Variants in TUBB8B observed in about 807,000 individuals in gnomAD.
TUBB8B encodes the protein tubulin beta 8B, also known as HSA18p11 beta-tubulin 4Q pseudogene.
In TUBB8B, 26 loss-of-function variants were observed where a neutral mutation model predicts 31.9. That is an observed-to-expected ratio of 0.81 (90% CI 0.60 to 1.13). The LOEUF (loss-of-function observed/expected upper bound fraction) is 1.13. Among genes scored for constraint, TUBB8B ranks in the 50% most tolerant of loss-of-function variants. The pLI is 0.00. For synonymous variants in TUBB8B, 173 were observed against 231.0 expected, an observed-to-expected ratio of 0.75 and a Z score of 2.28; for missense variants, 467 against 586.7, an observed-to-expected ratio of 0.80 and a Z score of 2.11.
At chr18:72,351 G>A in the TUBB8B span, among the ~76,000 whole-genome samples, 1 of 152,120 alleles carries the variant, frequency 6.6e-6, no homozygotes. Flanking sequence ...ATGGTATCAT[G>A]TCAAAGCTTG....
chr18:55,403 T>G, the TUBB8B span, among the ~76,000 whole-genome samples: 2 of 151,862 alleles, frequency 1.3e-5, no homozygotes, highest in Non-Finnish European at 2.9e-5. Context: ...CTGGCGAGAC[T>G]GGGTAATTTA....
At chr18:50,073 ATGGGTGTTGGAGAT>A, upstream of TUBB8B, 2 of 365,096 alleles carry the variant, frequency 5.5e-6, no homozygotes, top group South Asian at 4.1e-5. Flanking sequence ...GCAGTAAGCT[ATGGGTGTTGGAGAT>A]AGTCAGGCGT....
At chr18:63,235 T>C in the TUBB8B span, among the ~76,000 whole-genome samples, 1 of 151,856 alleles carries the variant, frequency 6.6e-6, no homozygotes, top group Non-Finnish European at 1.5e-5. Flanking sequence ...GTCTTTATTG[T>C]AGTCTTCACA....
At chr18:56,644 T>C in the TUBB8B span, among the ~76,000 whole-genome samples, 9 of 151,970 alleles carry the variant, frequency 5.9e-5, no homozygotes, top group East Asian at 1.9e-4. Flanking sequence ...ATAGAAATCC[T>C]ACTGATTTGT....
At chr18:56,491 ATTTCT>A in the TUBB8B span, among the ~76,000 whole-genome samples, 1 of 151,524 alleles carries the variant, frequency 6.6e-6, no homozygotes, top group Non-Finnish European at 1.5e-5. Context: ...CTTCTCTTTC[ATTTCT>A]TTTATCGGTG....
the TUBB8B span, among the ~76,000 whole-genome samples, chr18:65,645 G>A: frequency 6.6e-6 from 1 of 152,146 alleles, no homozygotes; most frequent in African/African-American, 2.4e-5. Flanking sequence ...TCAGGACCAA[G>A]GCACCAATGC....
rs1905721061 is a variant in TUBB8B, at chr18:47,816, A to T, written c.909T>A (p.Cys303Ter). ...TTAGGTAGCAGCCGTGACGGGGGTC[A>T]CAGGCAGCCATCATGTTCTTAGCAT... is the stretch of plus-strand genomic sequence containing the variant. The part of the protein sequence containing the change: ...MFDAKNMMAA[C>*]DPRHGCYLTV... Residue 303 changes from cysteine (C) to a stop codon, truncating the protein, a stop_gained, in exon 4 of 4, where the codon TGT becomes TGA. Transcript: ENST00000308911. LOFTEE classifies it high-confidence loss of function. 6.2e-7 allele frequency: 1 copy of T among 1,611,800 alleles called. No homozygotes were observed. Among genetic ancestry groups the T allele is most frequent in the African/African-American group, 1.3e-5 (1 of 75,014 alleles).
At chr18:63,546 G>A in the TUBB8B span, among the ~76,000 whole-genome samples, 2 of 151,386 alleles carry the variant, frequency 1.3e-5, no homozygotes, top group East Asian at 3.9e-4. Context: ...CTTGAAGTAG[G>A]CATAGAACTT....
chr18:60,093 AT>A, the TUBB8B span, among the ~76,000 whole-genome samples: 1 of 151,448 alleles, frequency 6.6e-6, no homozygotes, highest in African/African-American at 2.4e-5. Flanking sequence ...GAGTTTGGAA[AT>A]GTTCTTTCCT....
the TUBB8B span, among the ~76,000 whole-genome samples, chr18:69,708 T>C: frequency 3.3e-5 from 5 of 152,220 alleles, no homozygotes; most frequent in Non-Finnish European, 7.3e-5. Flanking sequence ...CATTGGGTCA[T>C]AAGAAATTGT....
Position 49,026 on chromosome 18 carries a change from A to T in TUBB8B, c.191T>A (p.Val64Glu), listed in dbSNP as rs769319442. The T allele has an allele frequency of 5.2e-5, 84 of 1,608,528 alleles. 2 individuals are homozygous for T. Among genetic ancestry groups the T allele is most frequent in the Non-Finnish European group, 7.0e-5 (82 of 1,177,494 alleles). The change falls in exon 3 of 4, where the codon GTG (valine) becomes GAG (glutamate). Residue 64 changes from valine (V) to glutamate (E), a missense_variant. Around this residue, in one of 2 missense-constraint regions of TUBB8B, gnomAD observed 259 missense variants for 380.1 expected, o/e 0.68. Coordinates refer to ENST00000308911, the MANE Select transcript of TUBB8B (RefSeq NM_001358689.2). ...GGTGCCCGGCTCCAGATCCACGAGCACAGCGCGGGGCACGTACCTGCCACC... is the reference window on the plus strand; with the variant it reads ...GGTGCCCGGCTCCAGATCCACGAGCTCAGCGCGGGGCACGTACCTGCCACC... ...ASGGRYVPRA[V>E]LVDLEPGTMD...
At chr18:67,047 G>C in the TUBB8B span, among the ~76,000 whole-genome samples, 14,023 of 145,084 alleles carry the variant, frequency 0.097, 1,076 homozygotes, top group East Asian at 0.45. Flanking sequence ...CCAGGGTGGA[G>C]TGCAGTGGCA....
the TUBB8B span, among the ~76,000 whole-genome samples, chr18:72,177 C>CAAAAAA: frequency 8.9e-4 from 70 of 78,670 alleles, 1 homozygote; most frequent in East Asian, 3.9e-3. Flanking sequence ...GACTCCATCT[C>CAAAAAA]AAAAAAAAAA....
chr18:62,349 T>G, the TUBB8B span, among the ~76,000 whole-genome samples: 1 of 151,700 alleles, frequency 6.6e-6, no homozygotes. Context: ...GTTCTGTAAC[T>G]TTCTTGTACT....
the TUBB8B span, among the ~76,000 whole-genome samples, chr18:58,842 C>T: frequency 4.0e-5 from 6 of 151,672 alleles, no homozygotes; most frequent in South Asian, 2.1e-4. Context: ...TTAAGTGGCT[C>T]ATGATTCTAC....
the TUBB8B span, among the ~76,000 whole-genome samples, chr18:67,930 A>G: frequency 8.2e-3 from 1,250 of 152,224 alleles, 6 homozygotes; most frequent in African/African-American, 0.029. Context: ...GATGCACACA[A>G]TACAGATATG....
At chr18:50,143 C>G (rs550761694), upstream of TUBB8B, 294 of 339,776 alleles carry the variant, frequency 8.7e-4, 1 homozygote, top group Middle Eastern at 7.5e-3. Context: ...GCCCTTTCAC[C>G]TTTCCAGAGG....
chr18:67,751 A>G, the TUBB8B span, among the ~76,000 whole-genome samples: 1 of 152,118 alleles, frequency 6.6e-6, no homozygotes, highest in Non-Finnish European at 1.5e-5. Flanking sequence ...GGCATATCGT[A>G]ATACTGATAT....
Position 48,125 on chromosome 18 carries a change from G to A in TUBB8B, c.600C>T (p.Phe200=), listed in dbSNP as rs55855602. 0.13 allele frequency: 200,761 copies of A among 1,515,120 alleles called. 1,173 individuals are homozygous for A. The highest frequency in any genetic ancestry group is 0.23 in the African/African-American group (15,508 of 68,142). 93.9% of individuals were successfully genotyped at this position (1,515,120 alleles called of 1,614,324 possible). Residue 200 remains phenylalanine (F), a synonymous_variant, in exon 4 of 4, where the codon TTC becomes TTT. Coordinates refer to ENST00000308911, the MANE Select transcript of TUBB8B (RefSeq NM_001358689.2). ...HQLIENADET[F]CIDNEALYDI... is the part of the protein sequence containing the mutation. ...CATATAGCGCTTCGTTATCTATGCAGAAGGTCTCATCCGCGTTTTCTATGA... is the reference window on the plus strand; with the variant it reads ...CATATAGCGCTTCGTTATCTATGCAAAAGGTCTCATCCGCGTTTTCTATGA...
Sources: allele counts gnomAD v4.1 joint callset (sites outside exome capture counted in the v4.1 genomes callset), GRCh38; gene constraint gnomAD v4.1.1; regional missense constraint gnomAD v4.1.1; transcripts MANE v1.5; gene names NCBI Gene and HGNC (gene_info 2026-07-23, HGNC 2026-07-21).